ARHGEF16: variants seen among roughly 807,000 people sequenced by gnomAD.
ARHGEF16 encodes the protein Rho guanine nucleotide exchange factor 16.
A neutral mutation model predicts 74.1 loss-of-function variants in ARHGEF16; 59 were observed. The observed-to-expected ratio is 0.80, with a 90% CI of 0.65 to 0.99. The LOEUF is 0.99. Among genes scored for constraint, ARHGEF16 ranks in the 50% least tolerant of loss-of-function variants. The pLI is 0.00. For synonymous variants in ARHGEF16, 415 were observed against 412.6 expected (o/e 1.01, Z -0.07); for missense variants, 948 against 986.6 (o/e 0.96, Z 0.52).
chr1:3,477,724 CTG>C, intron 10 of ARHGEF16, 149 bp from the exon 11 acceptor site: 1 of 713,112 alleles, frequency 1.4e-6, no homozygotes, highest in East Asian at 2.7e-5. Flanking sequence ...CCAGCCCCGA[CTG>C]AGGGCAGCCA....
intron 1 of ARHGEF16, among the ~76,000 whole-genome samples, chr1:3,455,802 G>A (rs150005078): frequency 4.7e-4 from 72 of 152,280 alleles, no homozygotes; most frequent in African/African-American, 1.7e-3. Context: ...GGCTCTTTGT[G>A]AACTAAGCAG....
chr1:3,472,783 C>T, intron 6 of ARHGEF16: 3 of 394,380 alleles, frequency 7.6e-6, no homozygotes, highest in Non-Finnish European at 1.4e-5. Flanking sequence ...TGGGGACAGT[C>T]CCTGGGGCTG....
intron 9 of ARHGEF16, 27 bp from the exon 10 acceptor site, chr1:3,475,943 C>G: frequency 6.5e-7 from 1 of 1,543,670 alleles, no homozygotes; most frequent in Non-Finnish European, 8.7e-7. Context: ...TAGCACCAGC[C>G]TCTCACACGG....
At chr1:3,459,878 G>A (rs1639352533) in intron 1 of ARHGEF16, among the ~76,000 whole-genome samples, 1 of 152,128 alleles carries the variant, frequency 6.6e-6, no homozygotes, top group Non-Finnish European at 1.5e-5. Flanking sequence ...GGGTAGGAAT[G>A]CCCATAGGTG....
intron 6 of ARHGEF16, among the ~76,000 whole-genome samples, chr1:3,470,869 CA>C (rs1012537185): frequency 7.5e-5 from 9 of 120,084 alleles, no homozygotes; most frequent in African/African-American, 3.0e-4. Flanking sequence ...TGTGCGTGGG[CA>C]GGGGTGTATG....
chr1:3,456,613 C>T (rs1334317971), intron 1 of ARHGEF16, among the ~76,000 whole-genome samples: 1 of 152,224 alleles, frequency 6.6e-6, no homozygotes, highest in African/African-American at 2.4e-5. Context: ...CGGGAAAATA[C>T]CCACCTTCCA....
intron 12 of ARHGEF16, among the ~76,000 whole-genome samples, chr1:3,478,961 G>A (rs910321660): frequency 3.3e-5 from 5 of 150,712 alleles, no homozygotes; most frequent in East Asian, 3.9e-4. Context: ...CAGAGGCCCC[G>A]AGGCAGGAGA....
intron 10 of ARHGEF16, among the ~76,000 whole-genome samples, chr1:3,476,605 C>G (rs1262630054): frequency 6.6e-6 from 1 of 152,100 alleles, no homozygotes; most frequent in East Asian, 1.9e-4. Context: ...ACCTCTCCCT[C>G]CAGAGCCCCC....
intron 1 of ARHGEF16, among the ~76,000 whole-genome samples, chr1:3,462,518 TG>T (rs1639424587): frequency 6.6e-6 from 1 of 152,144 alleles, no homozygotes; most frequent in Admixed American, 6.5e-5. Flanking sequence ...GCAGAGGCTG[TG>T]GTCACTGCCG....
intron 1 of ARHGEF16, 37 bp from the exon 2 acceptor site, chr1:3,463,029 G>A: frequency 7.2e-7 from 1 of 1,393,456 alleles, no homozygotes; most frequent in Non-Finnish European, 9.5e-7. Context: ...GCAGGGGAGA[G>A]CAGCCTCACG....
Position 3,466,087 on chromosome 1 carries a change from C to T in ARHGEF16, c.589-61C>T, listed in dbSNP as rs1431221791. 3.3e-6 allele frequency: 5 copies of T among 1,529,536 alleles called. No individual in the cohort carries two copies. The South Asian group carries it at 3.6e-5, about 11-fold the overall frequency. The allele number at this position is 1,529,536 out of a possible 1,614,324, so 94.7% of individuals were successfully genotyped here. A position where few individuals can be genotyped will look rare whatever the true frequency, so the allele number is the denominator to read the frequency against. ...GGTCTCTGGGGTCCCAGGGCAGAAT[C>T]GCCGTGGGCAACACCTGCCCCGGCT... On this transcript the variant is annotated intron_variant, in intron 2 of 14. Transcript: ENST00000378378.
intron 9 of ARHGEF16, 82 bp downstream of exon 9, chr1:3,474,864 A>T: frequency 2.5e-6 from 3 of 1,206,098 alleles, no homozygotes; most frequent in Non-Finnish European, 3.5e-6. Flanking sequence ...ACCCGATGGC[A>T]TAGGGCTGGC....
Position 3,473,390 on chromosome 1 carries a change from C to A in ARHGEF16, c.1176-3C>A, listed in dbSNP as rs144249455. On this transcript the variant is annotated splice_region_variant and splice_polypyrimidine_tract_variant and intron_variant, in intron 7 of 14. Coordinates refer to ENST00000378378, the MANE Select transcript of ARHGEF16 (RefSeq NM_014448.4). ...CTGGAAGGACAGCCTTGTCCTCTTG[C>A]AGAAGCAGCAACGCCGCCTTCCGAG... 145 of 1,602,618 alleles carry A rather than the reference C, an allele frequency of 9.0e-5. No homozygotes were observed. The highest frequency in any genetic ancestry group is 1.1e-4 in the Non-Finnish European group (130 of 1,174,032).
At chr1:3,474,876 T>C (rs1434407311) in intron 9 of ARHGEF16, 94 bp downstream of exon 9, 2 of 1,080,776 alleles carry the variant, frequency 1.9e-6, no homozygotes, top group East Asian at 2.7e-5. Flanking sequence ...AGGGCTGGCT[T>C]CCCCTACCTT....
At chr1:3,469,294 C>G (rs1197351187) in intron 5 of ARHGEF16, 139 bp from the exon 6 acceptor site, 1 of 999,916 alleles carries the variant, frequency 1.0e-6, no homozygotes, top group Non-Finnish European at 1.5e-6. Context: ...TCTGACAGCC[C>G]CATCCAGGGG....
rs778271086 is a variant in ARHGEF16 at position 3,463,249 on chromosome 1, G to C, written c.165G>C (p.Pro55=). Residue 55 remains proline (P), a synonymous_variant, in exon 2 of 15, where the codon CCG becomes CCC. Coordinates refer to ENST00000378378, the MANE Select transcript of ARHGEF16 (RefSeq NM_014448.4). ...ATGCCGCCTTCCAGCCCCAGGTCCC[G>C]GCACCCCCACAGCCTCGGCCCCCGG... ...RDDAAFQPQV[P]APPQPRPPGH... 1 of 1,548,290 alleles carries C rather than the reference G, an allele frequency of 6.5e-7. No individual in the cohort carries two copies.
At chr1:3,456,707 G>A (rs1019625680) in intron 1 of ARHGEF16, among the ~76,000 whole-genome samples, 3 of 152,250 alleles carry the variant, frequency 2.0e-5, no homozygotes, top group Non-Finnish European at 4.4e-5. Context: ...GCGGGTGAAC[G>A]GGTGGCAGGA....
At chr1:3,468,550 A>T in intron 4 of ARHGEF16, 1 of 377,816 alleles carries the variant, frequency 2.6e-6, no homozygotes, top group South Asian at 2.5e-5. Flanking sequence ...TGGGCTCCGC[A>T]CCTCTCCATC....
intron 1 of ARHGEF16, among the ~76,000 whole-genome samples, chr1:3,461,452 T>G (rs530061604): frequency 2.0e-5 from 3 of 152,336 alleles, no homozygotes; most frequent in African/African-American, 7.2e-5. Flanking sequence ...GCAGCGTCAC[T>G]TGCTCATTGA....
Sources: gnomAD v4.1 joint callset for allele counts (sites outside exome capture counted in the v4.1 genomes callset) on GRCh38, gnomAD v4.1.1 for gene constraint, MANE v1.5 for transcripts, NCBI Gene and HGNC (gene_info 2026-07-23, HGNC 2026-07-21) for gene names.